TMEM164: variants seen among roughly 807,000 people sequenced by gnomAD.
TMEM164 encodes RP13-360B22.2.
A neutral mutation model predicts 18.8 loss-of-function variants in TMEM164; 4 were observed. That is an observed-to-expected ratio of 0.21 (90% CI 0.10 to 0.49). The LOEUF (loss-of-function observed/expected upper bound fraction) is 0.49. Among genes scored for constraint, TMEM164 ranks in the 20% least tolerant of loss-of-function variants. TMEM164 has a pLI of 0.98. For synonymous variants in TMEM164, 86 were observed against 101.7 expected, an observed-to-expected ratio of 0.85 and a Z score of 0.93; for missense variants, 108 against 239.9, an observed-to-expected ratio of 0.45 and a Z score of 3.63.
intron 4 of TMEM164, among the ~76,000 whole-genome samples, chrX:110,111,735 A>G (rs1392369853): frequency 1.8e-5 from 2 of 112,087 alleles, no homozygotes; most frequent in Non-Finnish European, 3.8e-5. Context: ...GCCATTGAAC[A>G]TAAACAGAAA....
chrX:110,067,271 A>T lies in TMEM164; in HGVS notation c.391-76A>T. 1.0e-6 allele frequency: 1 copy of T among 1,001,535 alleles called. No individual in the cohort carries two copies. 82.5% of individuals were successfully genotyped at this position (1,001,535 alleles called of 1,213,427 possible). A position where few individuals can be genotyped will look rare whatever the true frequency, so the allele number is the denominator to read the frequency against. Reference sequence around the variant, plus strand: ...GTTAGAGTTTTGGTTATTTTTTGTTATTGTTAAAGTAACATTGTCTCACTC... The same window carrying T: ...GTTAGAGTTTTGGTTATTTTTTGTTTTTGTTAAAGTAACATTGTCTCACTC... On this transcript the variant is annotated intron_variant, in intron 2 of 6. Transcript: ENST00000372068.
At chrX:110,042,844 A>G (rs1450168236) in intron 2 of TMEM164, among the ~76,000 whole-genome samples, 2 of 112,143 alleles carry the variant, frequency 1.8e-5, no homozygotes, top group African/African-American at 6.5e-5. Context: ...TGTTTGTTCA[A>G]GTTCTTTGCC....
Position 110,075,679 on chromosome X carries a change from T to A in TMEM164, c.440+8283T>A, listed in dbSNP as rs145658695. Among the ~76,000 whole-genome samples the A allele has an allele frequency of 4.2e-3, 466 of 112,125 alleles. 1 individual carries two copies. The highest frequency in any genetic ancestry group is 0.014 in the African/African-American group (424 of 30,950). On this transcript the variant is annotated intron_variant, in intron 3 of 6. Coordinates refer to ENST00000372068, the MANE Select transcript of TMEM164 (RefSeq NM_032227.4). ...GTTTTTATCATGAAGGGAAGTTGGA[T>A]TATATAAAAAACCTTTTTATTTGAC...
intron 2 of TMEM164, among the ~76,000 whole-genome samples, chrX:110,041,353 G>A (rs1935080280): frequency 8.9e-6 from 1 of 111,937 alleles, no homozygotes; most frequent in South Asian, 3.7e-4. Context: ...AGCCTGACCT[G>A]TACACCCAGA....
At chrX:110,010,627 A>G (rs1443575687) in intron 2 of TMEM164, among the ~76,000 whole-genome samples, 1 of 111,725 alleles carries the variant, frequency 9.0e-6, no homozygotes, top group Non-Finnish European at 1.9e-5. Flanking sequence ...ACTTTTAGAG[A>G]CATTATCTAG....
chrX:110,096,405 C>G (rs1261326842), intron 3 of TMEM164, among the ~76,000 whole-genome samples: 2 of 112,958 alleles, frequency 1.8e-5, no homozygotes, highest in African/African-American at 6.4e-5. Flanking sequence ...CCTTCCCCAG[C>G]CTTGCTGCCG....
At chrX:110,161,365 C>T (rs2067091657) in intron 5 of TMEM164, among the ~76,000 whole-genome samples, 2 of 111,422 alleles carry the variant, frequency 1.8e-5, no homozygotes, top group Admixed American at 9.5e-5. Flanking sequence ...GGCTTCCCTG[C>T]TCCACTATAC....
intron 3 of TMEM164, among the ~76,000 whole-genome samples, chrX:110,104,407 T>C (rs1373796031): frequency 1.8e-5 from 2 of 111,758 alleles, no homozygotes; most frequent in African/African-American, 6.5e-5. Context: ...TCCTTGTGGT[T>C]CTCGCATTTT....
intron 2 of TMEM164, among the ~76,000 whole-genome samples, chrX:110,063,642 C>A (rs1439363290): frequency 9.0e-6 from 1 of 111,388 alleles, no homozygotes; most frequent in East Asian, 2.8e-4. Flanking sequence ...TTGAATGGAA[C>A]CGTGGATTTT....
At chrX:110,019,282 CA>C (rs1202882467) in intron 2 of TMEM164, among the ~76,000 whole-genome samples, 1 of 110,154 alleles carries the variant, frequency 9.1e-6, no homozygotes, top group Non-Finnish European at 1.9e-5. Flanking sequence ...ATCTCAATTC[CA>C]CCCTCTTCCT....
At chrX:110,112,420 T>C (rs895952247) in intron 4 of TMEM164, among the ~76,000 whole-genome samples, 8 of 111,424 alleles carry the variant, frequency 7.2e-5, no homozygotes, top group African/African-American at 2.3e-4. Context: ...CCCTCCCTTC[T>C]GAGGTGGGAG....
intron 4 of TMEM164, among the ~76,000 whole-genome samples, chrX:110,128,444 G>A (rs1293607283): frequency 8.9e-6 from 1 of 112,089 alleles, no homozygotes; most frequent in African/African-American, 3.2e-5. Context: ...AATCTTTTCA[G>A]GTCACTTTTG....
rs962674485 is a variant in TMEM164, at chrX:110,003,727, C to T, written c.-48C>T. 8.7e-7 allele frequency: 1 copy of T among 1,150,213 alleles called. No individual in the cohort carries two copies. The highest frequency in any genetic ancestry group is 1.2e-6 in the Non-Finnish European group (1 of 865,619). 94.8% of individuals were successfully genotyped at this position (1,150,213 alleles called of 1,213,427 possible). A position where few individuals can be genotyped will look rare whatever the true frequency, so the allele number is the denominator to read the frequency against. Reference sequence around the variant, plus strand: ...CGGGCAACCCTCTGGGCTTGTGTTCCATCTCACTCTTGCTTCCTGTACTGT... The same window carrying T: ...CGGGCAACCCTCTGGGCTTGTGTTCTATCTCACTCTTGCTTCCTGTACTGT... On this transcript the variant is annotated 5_prime_UTR_variant, in exon 2 of 7. Coordinates refer to ENST00000372068, the MANE Select transcript of TMEM164 (RefSeq NM_032227.4).
rs2067274050 is a variant in TMEM164, at chrX:110,174,966, T to C, written c.*1515T>C. The C allele has an allele frequency of 8.9e-6, 1 of 112,133 alleles. No individual in the cohort carries two copies. Among genetic ancestry groups the C allele is most frequent in the Admixed American group, 9.3e-5 (1 of 10,709 alleles). The allele number at this position is 112,133 out of a possible 1,213,427, so 9.2% of individuals were successfully genotyped here. A position where few individuals can be genotyped will look rare whatever the true frequency, so the allele number is the denominator to read the frequency against. Reference sequence around the variant, plus strand: ...CTGAGCTTCGGTGCCTCAGTGGTCATAATTTTAGCAAGTGGACCTATAGGA... The same window carrying C: ...CTGAGCTTCGGTGCCTCAGTGGTCACAATTTTAGCAAGTGGACCTATAGGA... On this transcript the variant is annotated 3_prime_UTR_variant, in exon 7 of 7. Transcript: ENST00000372068.
chrX:110,161,559 G>A (rs1194027979), intron 5 of TMEM164, among the ~76,000 whole-genome samples: 1 of 112,000 alleles, frequency 8.9e-6, no homozygotes, highest in African/African-American at 3.2e-5. Context: ...AGAAGTGATT[G>A]GTGCTCAGGA....
chrX:110,067,802 G>A (rs1439562405), intron 3 of TMEM164, among the ~76,000 whole-genome samples: 1 of 112,267 alleles, frequency 8.9e-6, no homozygotes, highest in Admixed American at 9.4e-5. Flanking sequence ...ATGTTTTTAT[G>A]GGGTTTTCCC....
At chrX:110,163,652 A>G (rs1197138873) in intron 5 of TMEM164, among the ~76,000 whole-genome samples, 1 of 112,373 alleles carries the variant, frequency 8.9e-6, no homozygotes, top group Non-Finnish European at 1.9e-5. Flanking sequence ...TGGTTTTAGA[A>G]CGGGAGCTAT....
chrX:110,160,113 T>G (rs1239391159), intron 5 of TMEM164, among the ~76,000 whole-genome samples: 1 of 111,964 alleles, frequency 8.9e-6, no homozygotes. Context: ...TCTTCATCCT[T>G]GTGATGTGTT....
At chrX:110,138,111 T>C (rs2066716451) in intron 4 of TMEM164, among the ~76,000 whole-genome samples, 1 of 112,091 alleles carries the variant, frequency 8.9e-6, no homozygotes, top group Non-Finnish European at 1.9e-5. Flanking sequence ...CCTAGAAAGA[T>C]GTGGCATTAA....
Sources: allele counts gnomAD v4.1 joint callset (sites outside exome capture counted in the v4.1 genomes callset), GRCh38; gene constraint gnomAD v4.1.1; transcripts MANE v1.5; gene names NCBI Gene and HGNC (gene_info 2026-07-23, HGNC 2026-07-21).